Variants in KIF26B observed in about 807,000 individuals in gnomAD.
KIF26B encodes the protein kinesin family member 26B.
Under a neutral mutation model 151.2 loss-of-function variants are expected in KIF26B, and 63 were observed. The observed-to-expected ratio is 0.42, with a 90% CI of 0.34 to 0.51. KIF26B has a LOEUF of 0.51. Ranked by LOEUF, KIF26B falls within the 20% of genes least tolerant of loss-of-function variation. The pLI, the probability that KIF26B is intolerant of heterozygous loss-of-function variation, is 0.07. For synonymous variants in KIF26B, 1,357 were observed against 1,262.1 expected (o/e 1.08, Z -1.59); for missense variants, 2,813 against 2,913.6 (o/e 0.97, Z 0.79).
intron 2 of KIF26B, among the ~76,000 whole-genome samples, chr1:245,261,644 G>A (rs966782584): frequency 1.3e-5 from 2 of 151,656 alleles, no homozygotes; most frequent in Non-Finnish European, 2.9e-5. Context: ...GAATGCAATG[G>A]CGTGATCATA....
At chr1:245,408,210 A>C (rs1298506698) in intron 3 of KIF26B, among the ~76,000 whole-genome samples, 2 of 152,216 alleles carry the variant, frequency 1.3e-5, no homozygotes, top group African/African-American at 4.8e-5. Context: ...GAAATCAATT[A>C]CATCCAGATT....
At chr1:245,604,531 C>T (rs573063614) in intron 6 of KIF26B, among the ~76,000 whole-genome samples, 29 of 152,190 alleles carry the variant, frequency 1.9e-4, no homozygotes, top group Non-Finnish European at 4.0e-4. Flanking sequence ...TTAAACCTGA[C>T]GTTTGGTCTA....
At chr1:245,658,373 T>C (rs2044097682) in intron 10 of KIF26B, among the ~76,000 whole-genome samples, 1 of 152,200 alleles carries the variant, frequency 6.6e-6, no homozygotes, top group African/African-American at 2.4e-5. Flanking sequence ...CCTCCATTAA[T>C]CATTTAATAT....
Position 245,156,570 on chromosome 1 carries a change from G to T in KIF26B, c.352G>T (p.Gly118Cys), listed in dbSNP as rs545986853. 5.3e-4 allele frequency: 809 copies of T among 1,531,014 alleles called. 8 individuals carry two copies. In the East Asian group the frequency reaches 0.014, roughly 27 times the overall value. 94.8% of individuals were successfully genotyped at this position (1,531,014 alleles called of 1,614,324 possible). The change falls in exon 2 of 15, where the codon GGC (glycine) becomes TGC (cysteine). Residue 118 changes from glycine to cysteine, a missense_variant. Physicochemically the swap from Gly to Cys is radical, Grantham distance 159. Transcript: ENST00000407071. The stretch of plus-strand genomic sequence containing the variant: ...CTCCCCGGGCTCCGGCAGCGGCGGC[G>T]GCTCCTCCCCCGGCTCGGACCGCGG... Reference protein sequence around the residue: ...TGSPGSGSGGGSSPGSDRGVW... With the variant: ...TGSPGSGSGGCSSPGSDRGVW...
chr1:245,295,776 A>G (rs1477880380), intron 2 of KIF26B, among the ~76,000 whole-genome samples: 1 of 152,236 alleles, frequency 6.6e-6, no homozygotes, highest in Non-Finnish European at 1.5e-5. Flanking sequence ...TTTAGAAAAA[A>G]TTCTTCCAAC....
chr1:245,408,700 A>T (rs1465725073), intron 3 of KIF26B, among the ~76,000 whole-genome samples: 1 of 151,852 alleles, frequency 6.6e-6, no homozygotes, highest in Non-Finnish European at 1.5e-5. Flanking sequence ...CTGTTAGCAC[A>T]TTTTCTGAAG....
At chr1:245,670,281 T>TATGC (rs2044269332) in intron 10 of KIF26B, among the ~76,000 whole-genome samples, 1 of 116,938 alleles carries the variant, frequency 8.6e-6, no homozygotes, top group African/African-American at 3.4e-5. Flanking sequence ...TATATATATA[T>TATGC]GCACACACAC....
chr1:245,249,109 G>T (rs1573732771), intron 2 of KIF26B, among the ~76,000 whole-genome samples: 1 of 152,012 alleles, frequency 6.6e-6, no homozygotes, highest in East Asian at 1.9e-4. Flanking sequence ...TTGTGTGTTT[G>T]TTTGTTTTTG....
At chr1:245,616,082 A>G (rs376633221) in intron 9 of KIF26B, among the ~76,000 whole-genome samples, 2 of 152,226 alleles carry the variant, frequency 1.3e-5, no homozygotes, top group Admixed American at 1.3e-4. Context: ...CATTTTATAC[A>G]TTTTACACAC....
intron 4 of KIF26B, among the ~76,000 whole-genome samples, chr1:245,536,976 G>A (rs1385234661): frequency 6.6e-6 from 1 of 152,140 alleles, no homozygotes; most frequent in East Asian, 1.9e-4. Context: ...GTTGGCCAGG[G>A]CAATTTCAGA....
intron 3 of KIF26B, among the ~76,000 whole-genome samples, chr1:245,393,577 A>G (rs983116938): frequency 6.6e-6 from 1 of 152,350 alleles, no homozygotes; most frequent in South Asian, 2.1e-4. Flanking sequence ...AAGGAGGAGC[A>G]TGGAAGGGAT....
chr1:245,641,104 C>A (rs982509969), intron 9 of KIF26B, among the ~76,000 whole-genome samples: 1 of 152,080 alleles, frequency 6.6e-6, no homozygotes. Context: ...GGTGCAGTAT[C>A]CTTGGGGAAC....
chr1:245,688,710 C>G lies in KIF26B; in HGVS notation c.5727C>G (p.Gly1909=). The G allele has an allele frequency of 6.2e-7, 1 of 1,607,988 alleles. No individual in the cohort carries two copies. Among genetic ancestry groups the G allele is most frequent in the Non-Finnish European group, 8.5e-7 (1 of 1,178,032 alleles). Residue 1909 remains glycine (G), a synonymous_variant, in exon 12 of 15, where the codon GGC becomes GGG. Transcript: ENST00000407071. ...ESVMRDSEAT[G]SASSAQDSTS... is the part of the protein sequence containing the mutation. ...TGATGCGGGACAGCGAGGCCACCGG[C>G]AGCGCGTCCTCGGCGCAGGACTCCA... is the stretch of plus-strand genomic sequence containing the variant.
rs1455158051 is a variant in KIF26B, at chr1:245,707,404, C to T, written c.*4798C>T. Reference sequence around the variant, plus strand: ...CTAAAAAAGGTTCCTTCTTTCATTCCCTATCCTGCTAACAGCCCACATTGT... The same window carrying T: ...CTAAAAAAGGTTCCTTCTTTCATTCTCTATCCTGCTAACAGCCCACATTGT... On this transcript the variant is annotated 3_prime_UTR_variant, in exon 15 of 15. Coordinates refer to ENST00000407071, the MANE Select transcript of KIF26B (RefSeq NM_018012.4). The T allele has an allele frequency of 1.3e-5, 2 of 152,208 alleles. No individual in the cohort carries two copies. Among genetic ancestry groups the T allele is most frequent in the African/African-American group, 2.4e-5 (1 of 41,440 alleles). 9.4% of individuals were successfully genotyped at this position (152,208 alleles called of 1,614,324 possible).
intron 4 of KIF26B, among the ~76,000 whole-genome samples, chr1:245,486,346 A>G (rs1392268571): frequency 6.6e-6 from 1 of 151,548 alleles, no homozygotes; most frequent in African/African-American, 2.4e-5. Context: ...ATTTTCAGGA[A>G]AGAAGAAGTT....
At chr1:245,673,791 C>CAAGCCGGGAGGAAAGATCT (rs2044324637) in intron 10 of KIF26B, 1 of 152,252 alleles carries the variant, frequency 6.6e-6, no homozygotes, top group Admixed American at 6.5e-5. Flanking sequence ...GATGAAGCGG[C>CAAGCCGGGAGGAAAGATCT]AAGCCGGGAG....
chr1:245,611,950 G>A lies in KIF26B; in HGVS notation c.2072G>A (p.Arg691Gln), dbSNP rs201328987. 700 of 1,613,112 alleles carry A rather than the reference G, an allele frequency of 4.3e-4. 3 individuals are homozygous for A. Among genetic ancestry groups the A allele is most frequent in the South Asian group, 1.7e-3 (157 of 91,074 alleles). ...VFFTLHIYQY[R>Q]MEKSGKGGMS... is the part of the protein sequence containing the mutation. ...TTCACACTGCACATCTACCAGTACC[G>A]GATGGAGAAGAGCGGGAAAGGGGGA... is the stretch of plus-strand genomic sequence containing the variant. Residue 691 changes from arginine (R) to glutamine (Q), a missense_variant, in exon 9 of 15, where the codon CGG (arginine) becomes CAG (glutamine). Physicochemically the swap from Arg to Gln is conservative, Grantham distance 43 (BLOSUM62 1). Around this residue, in one of 3 missense-constraint regions of KIF26B, gnomAD observed 2,060 missense variants for 2,088.6 expected, o/e 0.99. Transcript: ENST00000407071.
Position 245,367,067 on chromosome 1 carries a change from C to T in KIF26B, c.699C>T (p.Ser233=). 6.2e-7 allele frequency: 1 copy of T among 1,604,230 alleles called. No individual in the cohort carries two copies. The highest frequency in any genetic ancestry group is 8.5e-7 in the Non-Finnish European group (1 of 1,175,496). ...CCAACATCCCCACCCTGGTGGGGTC[C>T]CGGCACGTGGGTGGGCTCCAGCAGC... The part of the protein sequence containing the change: ...PLSNIPTLVG[S]RHVGGLQQPR... Residue 233 remains serine (S), a synonymous_variant, in exon 3 of 15, where the codon TCC becomes TCT. Coordinates refer to ENST00000407071, the MANE Select transcript of KIF26B (RefSeq NM_018012.4). This position sits in a 1 kb window ranked among gnomAD's most constrained non-coding sequence, Gnocchi z 4.2.
At chr1:245,624,986 T>C (rs2043708064) in intron 9 of KIF26B, among the ~76,000 whole-genome samples, 1 of 152,158 alleles carries the variant, frequency 6.6e-6, no homozygotes. Context: ...TGTGTATGAA[T>C]ATAGTATCCA....
Sources: allele counts gnomAD v4.1 joint callset (sites outside exome capture counted in the v4.1 genomes callset), GRCh38; gene constraint gnomAD v4.1.1; regional missense constraint gnomAD v4.1.1; non-coding constraint Gnocchi (gnomAD v3.1); transcripts MANE v1.5; gene names NCBI Gene and HGNC (gene_info 2026-07-23, HGNC 2026-07-21).